SPINK6: variants seen among roughly 807,000 people sequenced by gnomAD.
SPINK6 encodes serine protease inhibitor Kazal-type 6.
SPINK6 carries 13 observed loss-of-function variants against 11.7 expected under a neutral mutation model. That is an observed-to-expected ratio of 1.11 (90% confidence interval 0.72 to 1.76). The LOEUF (loss-of-function observed/expected upper bound fraction) is 1.76. Among genes scored for constraint, SPINK6 ranks in the 40% most tolerant of loss-of-function variants. The pLI, the probability that SPINK6 is intolerant of heterozygous loss-of-function variation, is 0.00. For synonymous variants in SPINK6, 21 were observed against 31.9 expected (o/e 0.66, Z 1.15); for missense variants, 98 against 93.7 (o/e 1.05, Z -0.19).
rs1755648206 is a variant in SPINK6, at chr5:148,213,946, T to G, written c.118T>G (p.Cys40Gly). ...CGEFQDPKVY[C>G]TRESNPHCGS... ...TGAGTTCCAGGACCCCAAGGTCTAC[T>G]GCACTCGGGAATCTAACCCACACTG... The change falls in exon 3 of 4, where the codon TGC (cysteine) becomes GGC (glycine). Residue 40 changes from cysteine to glycine, a missense_variant. Coordinates refer to ENST00000325630, the MANE Select transcript of SPINK6 (RefSeq NM_205841.4). The G allele has an allele frequency of 1.2e-6, 2 of 1,613,470 alleles. No individual in the cohort carries two copies. Among genetic ancestry groups the G allele is most frequent in the East Asian group, 4.5e-5 (2 of 44,876 alleles).
intron 2 of SPINK6, among the ~76,000 whole-genome samples, chr5:148,206,959 T>A (rs1755507271): frequency 6.6e-6 from 1 of 152,122 alleles, no homozygotes; most frequent in African/African-American, 2.4e-5. Context: ...TATATAAGAA[T>A]GTTAGTTTTT....
At chr5:148,205,718 T>G (rs907505137) in intron 1 of SPINK6, among the ~76,000 whole-genome samples, 1 of 152,168 alleles carries the variant, frequency 6.6e-6, no homozygotes, top group African/African-American at 2.4e-5. Context: ...TAAGGTCATT[T>G]TCGTAGTAAA....
intron 2 of SPINK6, among the ~76,000 whole-genome samples, chr5:148,210,513 G>A (rs182983412): frequency 1.9e-4 from 28 of 150,812 alleles, no homozygotes; most frequent in Admixed American, 1.1e-3. Context: ...TGACCATTGA[G>A]AGTTAGAGTT....
chr5:148,210,001 T>TATGTAC (rs1755556415), intron 2 of SPINK6, among the ~76,000 whole-genome samples: 1 of 24,208 alleles, frequency 4.1e-5, no homozygotes, highest in African/African-American at 2.1e-4. Flanking sequence ...TATACACGTA[T>TATGTAC]GTATACATGT....
chr5:148,209,990 A>G (rs577047329), intron 2 of SPINK6, among the ~76,000 whole-genome samples: 6 of 144,970 alleles, frequency 4.1e-5, no homozygotes, highest in African/African-American at 1.6e-4. Flanking sequence ...GTATGTATAC[A>G]TATACACGTA....
At chr5:148,206,340 C>G (rs1755499477) in intron 2 of SPINK6, among the ~76,000 whole-genome samples, 1 of 152,020 alleles carries the variant, frequency 6.6e-6, no homozygotes, top group Non-Finnish European at 1.5e-5. Flanking sequence ...ACTGTGTGAT[C>G]TTGGGGAAGT....
At chr5:148,206,159 A>G in intron 2 of SPINK6, 101 bp downstream of exon 2, 2 of 1,237,864 alleles carry the variant, frequency 1.6e-6, no homozygotes, top group South Asian at 1.2e-5. Flanking sequence ...AGCAAAAACA[A>G]TGAGCAGGCA....
chr5:148,206,253 A>T (rs1326963672), intron 2 of SPINK6, among the ~76,000 whole-genome samples, 195 bp downstream of exon 2: 2 of 79,362 alleles, frequency 2.5e-5, no homozygotes, highest in Admixed American at 2.7e-4. Flanking sequence ...ACATTCTCAT[A>T]ATTTTTTAGG....
intron 2 of SPINK6, among the ~76,000 whole-genome samples, chr5:148,206,941 C>A (rs191377931): frequency 6.6e-6 from 1 of 152,210 alleles, no homozygotes; most frequent in Admixed American, 6.5e-5. Context: ...CTGATATACC[C>A]ACTGCATTAT....
At chr5:148,204,857 A>G (rs1755477649) in intron 1 of SPINK6, among the ~76,000 whole-genome samples, 1 of 152,106 alleles carries the variant, frequency 6.6e-6, no homozygotes, top group Non-Finnish European at 1.5e-5. Flanking sequence ...TCTTTTGATG[A>G]CAGATTTGTA....
At position 148,214,038 on chromosome 5, in the gene SPINK6, T is replaced by C; in HGVS notation, c.197+13T>C. On this transcript the variant is annotated intron_variant, in intron 3 of 3. Coordinates refer to ENST00000325630, the MANE Select transcript of SPINK6 (RefSeq NM_205841.4). The stretch of plus-strand genomic sequence containing the variant: ...GTAAGGCCATAGTGTAAGTATTATA[T>C]TCATCAAAGCTGACCCTTGCAAACA... 1 of 1,513,500 alleles carries C rather than the reference T, an allele frequency of 6.6e-7. No individual in the cohort carries two copies. The highest frequency in any genetic ancestry group is 1.4e-5 in the African/African-American group (1 of 73,362). 93.8% of individuals were successfully genotyped at this position (1,513,500 alleles called of 1,614,324 possible).
intron 2 of SPINK6, 32 bp from the exon 3 acceptor site, chr5:148,213,878 T>C (rs1295957704): frequency 8.9e-7 from 1 of 1,122,722 alleles, no homozygotes; most frequent in South Asian, 1.2e-5. Flanking sequence ...TAGAATGCAC[T>C]GATGTCAATG....
At position 148,212,640 on chromosome 5, in the gene SPINK6, T is replaced by A. The variant is rs189867169; in HGVS notation, c.82-1270T>A. On this transcript the variant is annotated intron_variant, in intron 2 of 3. Coordinates refer to ENST00000325630, the MANE Select transcript of SPINK6 (RefSeq NM_205841.4). Reference sequence around the variant, plus strand: ...TATATTATATATTATATATTATATATAATATAAATATATATATTTATATAT... The same window carrying A: ...TATATTATATATTATATATTATATAAAATATAAATATATATATTTATATAT... Among the ~76,000 whole-genome samples the A allele has an allele frequency of 6.6e-3, 705 of 106,380 alleles. 36 individuals carry two copies. The East Asian group carries it at 0.11, about 17-fold the overall frequency. The allele number at this position is 106,380 out of a possible 152,430, so 69.8% of individuals were successfully genotyped here.
chr5:148,215,016 A>G lies in SPINK6; in HGVS notation c.*66A>G. ...GCCTTCTTTTCTCACTTCTGCTTAT[A>G]CTTTTGCTGGTGGATTCCTTTAATT... On this transcript the variant is annotated 3_prime_UTR_variant, in exon 4 of 4. Coordinates refer to ENST00000325630, the MANE Select transcript of SPINK6 (RefSeq NM_205841.4). 2.0e-6 allele frequency: 3 copies of G among 1,511,384 alleles called. No homozygotes were observed. Among genetic ancestry groups the G allele is most frequent in the Non-Finnish European group, 2.8e-6 (3 of 1,088,766 alleles). 93.6% of individuals were successfully genotyped at this position (1,511,384 alleles called of 1,614,324 possible). A position where few individuals can be genotyped will look rare whatever the true frequency, so the allele number is the denominator to read the frequency against.
intron 2 of SPINK6, among the ~76,000 whole-genome samples, chr5:148,209,541 T>C (rs891551283): frequency 2.8e-4 from 43 of 152,128 alleles, no homozygotes; most frequent in African/African-American, 1.0e-3. Context: ...AGGAGGAAAA[T>C]GAGGAAGAGA....
intron 2 of SPINK6, 105 bp downstream of exon 2, chr5:148,206,163 G>A (rs1215501246): frequency 2.5e-6 from 3 of 1,203,206 alleles, no homozygotes; most frequent in African/African-American, 1.5e-5. Flanking sequence ...AAAACAATGA[G>A]CAGGCAAACC....
chr5:148,205,450 C>A (rs955613055), intron 1 of SPINK6, among the ~76,000 whole-genome samples: 5 of 152,102 alleles, frequency 3.3e-5, no homozygotes, highest in Non-Finnish European at 7.4e-5. Context: ...GGGATCTTTT[C>A]CCTTTTTAGG....
intron 2 of SPINK6, among the ~76,000 whole-genome samples, chr5:148,211,484 A>G (rs528900606): frequency 6.6e-6 from 1 of 152,150 alleles, no homozygotes; most frequent in Non-Finnish European, 1.5e-5. Flanking sequence ...ACTATTTCAA[A>G]TATTCTATAT....
chr5:148,212,713 G>C (rs1475008200), intron 2 of SPINK6, among the ~76,000 whole-genome samples: 1 of 110,826 alleles, frequency 9.0e-6, no homozygotes, highest in Non-Finnish European at 1.7e-5. Flanking sequence ...ACAATATATA[G>C]TTTATATATT....
Sources: allele counts gnomAD v4.1 joint callset (sites outside exome capture counted in the v4.1 genomes callset), GRCh38; gene constraint gnomAD v4.1.1; transcripts MANE v1.5; gene names NCBI Gene and HGNC (gene_info 2026-07-23, HGNC 2026-07-21).